PLEKHG4: variants seen among roughly 807,000 people sequenced by gnomAD.
PLEKHG4 encodes the protein puratrophin-1.
A neutral mutation model predicts 136.9 loss-of-function variants in PLEKHG4; 85 were observed. The observed-to-expected ratio is 0.62, with a 90% confidence interval of 0.52 to 0.74. The LOEUF (loss-of-function observed/expected upper bound fraction) is 0.74. Among genes scored for constraint, PLEKHG4 ranks in the 30% least tolerant of loss-of-function variants. The pLI is 0.00. For synonymous variants in PLEKHG4, 577 were observed against 646.9 expected (o/e 0.89, Z 1.64); for missense variants, 1,317 against 1,527.8 (o/e 0.86, Z 2.30).
chr16:67,283,941 T>A (rs1338234699), intron 11 of PLEKHG4, among the ~76,000 whole-genome samples: 1 of 149,408 alleles, frequency 6.7e-6, no homozygotes, highest in Non-Finnish European at 1.5e-5. Flanking sequence ...ATCAGGAGCG[T>A]GGGGAGGAGC....
In PLEKHG4 at chr16:67,288,276, G is replaced by A. The variant is rs1266415456; in HGVS notation, c.3330G>A (p.Gly1110=). The change falls in exon 20 of 22, where the codon GGG becomes GGA. Residue 1110 remains glycine, a synonymous_variant. Transcript: ENST00000379344. ...PGDPASCSVL[G]SLNLHLYRDP... is the part of the protein sequence containing the mutation. The stretch of plus-strand genomic sequence containing the variant: ...ACCCTGCCTCTTGCTCTGTTCTGGG[G>A]TCCCTCAACCTGCACCTGTACAGAG... The A allele has an allele frequency of 6.2e-7, 1 of 1,613,364 alleles. No homozygotes were observed.
Position 67,281,150 on chromosome 16 carries a change from G to A in PLEKHG4, c.779G>A (p.Ser260Asn). The change falls in exon 5 of 22, where the codon AGT becomes AAT. Residue 260 changes from serine (S) to asparagine (N), a missense_variant. Physicochemically the swap from Ser to Asn is conservative, Grantham distance 46. Transcript: ENST00000379344. ...VLVDARICAP[S>N]SSLFSGLSQL... is the part of the protein sequence containing the mutation. ...GTTGATGCCCGAATTTGTGCTCCAAGTTCTTCCCTCTTCTCTGGGCTCAGC... is the reference window on the plus strand; with the variant it reads ...GTTGATGCCCGAATTTGTGCTCCAAATTCTTCCCTCTTCTCTGGGCTCAGC... 1 of 1,613,868 alleles carries A rather than the reference G, an allele frequency of 6.2e-7. No homozygotes were observed. Among genetic ancestry groups the A allele is most frequent in the Non-Finnish European group, 8.5e-7 (1 of 1,179,932 alleles).
chr16:67,287,892 A>G lies in PLEKHG4; in HGVS notation c.3104-6A>G. 1 of 1,594,290 alleles carries G rather than the reference A, an allele frequency of 6.3e-7. No individual in the cohort carries two copies. Among genetic ancestry groups the G allele is most frequent in the Non-Finnish European group, 8.6e-7 (1 of 1,161,822 alleles). On this transcript the variant is annotated splice_region_variant and splice_polypyrimidine_tract_variant and intron_variant, in intron 18 of 21. Coordinates refer to ENST00000379344, the MANE Select transcript of PLEKHG4 (RefSeq NM_001129729.3). ...AGCATCCCACTTATGTCCACTCTCC[A>G]CCCAGAGGTGCGCATGGCTGAGATG...
At chr16:67,281,919 C>T (rs946084270) in intron 7 of PLEKHG4, 82 bp downstream of exon 7, 52 of 1,546,178 alleles carry the variant, frequency 3.4e-5, no homozygotes, top group Non-Finnish European at 4.5e-5. Context: ...CTGGCTTGAA[C>T]CAGACAAAGC....
In PLEKHG4 at chr16:67,282,285, G is replaced by C; in HGVS notation, c.1189G>C (p.Gly397Arg). 6.2e-7 allele frequency: 1 copy of C among 1,613,228 alleles called. No homozygotes were observed. Among genetic ancestry groups the C allele is most frequent in the African/African-American group, 1.3e-5 (1 of 75,038 alleles). The change falls in exon 9 of 22, where the codon GGG (glycine) becomes CGG (arginine). Residue 397 changes from glycine (G) to arginine (R), a missense_variant. By Grantham distance (125) the Gly-to-Arg change is moderately radical. Transcript: ENST00000379344. ...ATGGCTGGCATGGCTACAATGCCAGGGGGGCCGGGAGCTGACATGGCTGAA... is the reference window on the plus strand; with the variant it reads ...ATGGCTGGCATGGCTACAATGCCAGCGGGGCCGGGAGCTGACATGGCTGAA... The part of the protein sequence containing the change: ...SPWLAWLQCQ[G>R]GRELTWLKQE...
chr16:67,281,479 G>A (rs189571995), intron 5 of PLEKHG4, 88 bp from the exon 6 acceptor site: 149 of 1,108,242 alleles, frequency 1.3e-4, no homozygotes, highest in South Asian at 1.9e-4. Context: ...CTCCCGCCTC[G>A]CCTCCCAGAG....
Position 67,280,507 on chromosome 16 carries a change from G to T in PLEKHG4, c.463G>T (p.Asp155Tyr). 1 of 1,610,832 alleles carries T rather than the reference G, an allele frequency of 6.2e-7. No homozygotes were observed. The highest frequency in any genetic ancestry group is 2.2e-5 in the East Asian group (1 of 44,864). The change falls in exon 2 of 22, where the codon GAC (aspartate) becomes TAC (tyrosine). Residue 155 changes from aspartate (D) to tyrosine (Y), a missense_variant. Coordinates refer to ENST00000379344, the MANE Select transcript of PLEKHG4 (RefSeq NM_001129729.3). This position sits in a 1 kb window ranked among gnomAD's most constrained non-coding sequence, Gnocchi z 4.4. ...ALDSDPVGLGDPLSEISKLLE... is the reference protein window; with the variant it reads ...ALDSDPVGLGYPLSEISKLLE... ...GGACAGCGACCCTGTGGGCCTTGGA[G>T]ACCCTTTATCAGAAATATCAAAGCT...
In PLEKHG4 at chr16:67,280,035, G is replaced by A. The variant is rs1357442072; in HGVS notation, c.-10G>A. 9 of 1,611,994 alleles carry A rather than the reference G, an allele frequency of 5.6e-6. No homozygotes were observed. Among genetic ancestry groups the A allele is most frequent in the Non-Finnish European group, 7.6e-6 (9 of 1,179,210 alleles). ...CTGGCCCCGAGCAGGCCCACCTTTA[G>A]GAGGGCGTGATGGAAAGGCCCCTGG... On this transcript the variant is annotated 5_prime_UTR_variant, in exon 2 of 22. Transcript: ENST00000379344. This position sits in a 1 kb window ranked among gnomAD's most constrained non-coding sequence, Gnocchi z 4.4.
In PLEKHG4 at chr16:67,281,748, C is replaced by G. The variant is rs1289217319; in HGVS notation, c.916C>G (p.Leu306Val). ...LQLEQLPSQS[L>V]LTHIPTAGLP... ...GCTGGAGCAGTTGCCTTCTCAGAGCCTGCTGACCCACATCCCAACGGCGGG... is the reference window on the plus strand; with the variant it reads ...GCTGGAGCAGTTGCCTTCTCAGAGCGTGCTGACCCACATCCCAACGGCGGG... The change falls in exon 7 of 22, where the codon CTG (leucine) becomes GTG (valine). Residue 306 changes from leucine (L) to valine (V), a missense_variant. Transcript: ENST00000379344. 6.2e-7 allele frequency: 1 copy of G among 1,614,094 alleles called. No individual in the cohort carries two copies. The highest frequency in any genetic ancestry group is 1.7e-5 in the Admixed American group (1 of 60,032).
chr16:67,281,228 T>C (rs80326624), intron 5 of PLEKHG4, 44 bp downstream of exon 5: 8 of 1,343,120 alleles, frequency 6.0e-6, no homozygotes, highest in African/African-American at 2.9e-5. Context: ...TTCTTTTCTT[T>C]TTTTTTTTTT....
At position 67,280,976 on chromosome 16, in the gene PLEKHG4, C is replaced by T; in HGVS notation, c.690C>T (p.Arg230=). ...AGTGCAGCAGCCAGGAACTCATCCG[C>T]CTCCTGCTGTACCTGCGAAGCATCC... is the stretch of plus-strand genomic sequence containing the variant. The part of the protein sequence containing the change: ...QSECSSQELI[R]LLLYLRSIPR... Residue 230 remains arginine (R), a synonymous_variant, in exon 4 of 22, where the codon CGC becomes CGT. Transcript: ENST00000379344. This position sits in a 1 kb window ranked among gnomAD's most constrained non-coding sequence, Gnocchi z 4.4. The T allele has an allele frequency of 6.2e-7, 1 of 1,613,776 alleles. No homozygotes were observed. The highest frequency in any genetic ancestry group is 1.3e-5 in the African/African-American group (1 of 75,066).
chr16:67,280,014 C>T lies in PLEKHG4; in HGVS notation c.-31C>T, dbSNP rs201596303. On this transcript the variant is annotated 5_prime_UTR_variant, in exon 2 of 22. Transcript: ENST00000379344. The surrounding 1 kb of genome is among the most constrained non-coding windows in gnomAD (Gnocchi z 4.4). ...CTGAGACCCAGCCCTCTCCCGCTGG[C>T]CCCGAGCAGGCCCACCTTTAGGAGG... is the stretch of plus-strand genomic sequence containing the variant. The T allele has an allele frequency of 6.2e-7, 1 of 1,607,474 alleles. No homozygotes were observed. The highest frequency in any genetic ancestry group is 2.2e-5 in the East Asian group (1 of 44,696).
In PLEKHG4 at chr16:67,282,750, G is replaced by A; in HGVS notation, c.1401G>A (p.Val467=). Residue 467 remains valine (V), a synonymous_variant, in exon 11 of 22, where the codon GTG becomes GTA. Transcript: ENST00000379344. ...TGCTTGTGCTCCTCCAGATTGAAGTGTGGCTGCAGCAGGTGGGCTGGCCAG... is the reference window on the plus strand; with the variant it reads ...TGCTTGTGCTCCTCCAGATTGAAGTATGGCTGCAGCAGGTGGGCTGGCCAG... ...ARESGLHQIE[V]WLQQVGWPAL... The A allele has an allele frequency of 6.2e-7, 1 of 1,613,608 alleles. No homozygotes were observed. Among genetic ancestry groups the A allele is most frequent in the Non-Finnish European group, 8.5e-7 (1 of 1,180,006 alleles).
At chr16:67,281,920 C>A in intron 7 of PLEKHG4, 83 bp downstream of exon 7, 1 of 1,547,630 alleles carries the variant, frequency 6.5e-7, no homozygotes, top group Non-Finnish European at 8.9e-7. Context: ...TGGCTTGAAC[C>A]AGACAAAGCT....
rs929220775 is a variant in PLEKHG4 at position 67,284,027 on chromosome 16, G to A, written c.1510-248G>A. Among the ~76,000 whole-genome samples, 3 of 152,208 alleles carry A rather than the reference G, an allele frequency of 2.0e-5. No individual in the cohort carries two copies. The highest frequency in any genetic ancestry group is 7.2e-5 in the African/African-American group (3 of 41,538). On this transcript the variant is annotated intron_variant, in intron 11 of 21. Transcript: ENST00000379344. The surrounding 1 kb of genome is among the most constrained non-coding windows in gnomAD (Gnocchi z 4.4). ...GTGAGGCCTGAGAAGCGCTGGGGACGGGGCAGAGTGGAGCTGGAGAGGGCT... is the reference window on the plus strand; with the variant it reads ...GTGAGGCCTGAGAAGCGCTGGGGACAGGGCAGAGTGGAGCTGGAGAGGGCT...
rs758268264 is a variant in PLEKHG4, at chr16:67,284,470, C to G, written c.1692+13C>G. 3.7e-6 allele frequency: 6 copies of G among 1,612,018 alleles called. 1 individual carries two copies. The South Asian group carries it at 4.4e-5, about 12-fold the overall frequency. On this transcript the variant is annotated intron_variant, in intron 12 of 21. Transcript: ENST00000379344. This position sits in a 1 kb window ranked among gnomAD's most constrained non-coding sequence, Gnocchi z 4.4. ...GCTCTTCAGGGAGGTGGGTGAGAGTCTCCCCAGCTCCAAGTGATCCATGAG... is the reference window on the plus strand; with the variant it reads ...GCTCTTCAGGGAGGTGGGTGAGAGTGTCCCCAGCTCCAAGTGATCCATGAG...
At chr16:67,287,276 G>A in intron 18 of PLEKHG4, 99 bp downstream of exon 18, 1 of 1,286,144 alleles carries the variant, frequency 7.8e-7, no homozygotes, top group African/African-American at 1.4e-5. Context: ...GGGAAGTGGG[G>A]AGAAGGCCCA....
At position 67,285,159 on chromosome 16, in the gene PLEKHG4, C is replaced by T. The variant is rs1380803345; in HGVS notation, c.2139C>T (p.Pro713=). The change falls in exon 13 of 22, where the codon CCC becomes CCT. Residue 713 remains proline, a synonymous_variant. Transcript: ENST00000379344. ...RRPEAGGGAL[P]QASPTVPPPG... is the part of the protein sequence containing the mutation. ...CAGAGGCTGGAGGAGGTGCCCTGCC[C>T]CAGGCATCCCCTACTGTGCCTCCAC... 8 of 1,613,486 alleles carry T rather than the reference C, an allele frequency of 5.0e-6. No individual in the cohort carries two copies. The South Asian group carries it at 7.7e-5, about 15-fold the overall frequency.
rs532949012 is a variant in PLEKHG4, at chr16:67,282,577, A to G, written c.1328A>G (p.Asn443Ser). 3 of 1,614,130 alleles carry G rather than the reference A, an allele frequency of 1.9e-6. No individual in the cohort carries two copies. The South Asian group carries it at 3.3e-5, about 18-fold the overall frequency. ...CTGCACCAACTGACCCTGCAGAGCA[A>G]CCAGCGAATACAGGCCCTAGAGTTG... ...GLLHQLTLQS[N>S]QRIQALELVQ... The change falls in exon 10 of 22, where the codon AAC becomes AGC. Residue 443 changes from asparagine to serine, a missense_variant. By Grantham distance (46) the Asn-to-Ser change is conservative. Transcript: ENST00000379344.
Sources: allele counts gnomAD v4.1 joint callset (sites outside exome capture counted in the v4.1 genomes callset), GRCh38; gene constraint gnomAD v4.1.1; non-coding constraint Gnocchi (gnomAD v3.1); transcripts MANE v1.5; gene names NCBI Gene and HGNC (gene_info 2026-07-23, HGNC 2026-07-21).